Variants in DPP10 observed in about 807,000 individuals in gnomAD.
DPP10 encodes inactive dipeptidyl peptidase 10.
A neutral mutation model predicts 120.9 loss-of-function variants in DPP10; 33 were observed. The ratio of observed to expected loss-of-function variants is 0.27; its 90% confidence interval spans 0.21 to 0.37. DPP10 has a LOEUF of 0.37. Ranked by LOEUF, DPP10 falls within the 10% of genes least tolerant of loss-of-function variation. The pLI is 1.00. For missense variants in DPP10, 816 were observed against 942.8 expected (o/e 0.87, Z 1.76); for synonymous variants, 337 against 326.1 (o/e 1.03, Z -0.36).
At chr2:115,139,496 T>A (rs1189027486) in intron 1 of DPP10, among the ~76,000 whole-genome samples, 1 of 151,842 alleles carries the variant, frequency 6.6e-6, no homozygotes, top group African/African-American at 2.4e-5. Flanking sequence ...GAGAAATATA[T>A]AGTAAGCACC....
At chr2:114,529,760 G>A (rs1685804962) in intron 1 of DPP10, among the ~76,000 whole-genome samples, 1 of 152,060 alleles carries the variant, frequency 6.6e-6, no homozygotes, top group South Asian at 2.1e-4. Context: ...TGTCAGGGGG[G>A]TTTGTTGTAC....
intron 5 of DPP10, among the ~76,000 whole-genome samples, chr2:115,544,199 A>G (rs1334310885): frequency 6.6e-6 from 1 of 152,026 alleles, no homozygotes; most frequent in Non-Finnish European, 1.5e-5. Context: ...ATTTCTTATG[A>G]TATTTGTAGA....
chr2:115,612,625 A>G (rs1043600628), intron 5 of DPP10, among the ~76,000 whole-genome samples: 1 of 152,178 alleles, frequency 6.6e-6, no homozygotes, highest in Non-Finnish European at 1.5e-5. Context: ...GCAGGCAGAC[A>G]TACTGGGTAT....
intron 1 of DPP10, among the ~76,000 whole-genome samples, chr2:115,148,445 A>C (rs548834920): frequency 6.6e-6 from 1 of 152,296 alleles, no homozygotes; most frequent in African/African-American, 2.4e-5. Context: ...GTCTAAAAGA[A>C]TAAACAGTGT....
rs1461155484 is a variant in DPP10 at position 114,920,526 on chromosome 2, C to T, written c.61-388713C>T. ...GTTTAATTAACTAGTGGAGGAGTCACTGAACAAGTAGGAAGCATACTATCT... is the reference window on the plus strand; with the variant it reads ...GTTTAATTAACTAGTGGAGGAGTCATTGAACAAGTAGGAAGCATACTATCT... On this transcript the variant is annotated intron_variant, in intron 1 of 25. Transcript: ENST00000410059. Among the ~76,000 whole-genome samples the T allele has an allele frequency of 3.3e-5, 5 of 152,150 alleles. No individual in the cohort carries two copies. In the East Asian group the frequency reaches 9.7e-4, roughly 29 times the overall value.
At chr2:114,485,390 G>A (rs1313082866) in intron 1 of DPP10, among the ~76,000 whole-genome samples, 3 of 151,494 alleles carry the variant, frequency 2.0e-5, no homozygotes, top group East Asian at 3.9e-4. Flanking sequence ...TTTAAATGAA[G>A]GTTAAATCAG....
At position 114,871,015 on chromosome 2, in the gene DPP10, G is replaced by A. The variant is rs952012688; in HGVS notation, c.60+428177G>A. Among the ~76,000 whole-genome samples, 4 of 133,136 alleles carry A rather than the reference G, an allele frequency of 3.0e-5. 2 individuals carry two copies. Among genetic ancestry groups the A allele is most frequent in the African/African-American group, 1.0e-4 (4 of 38,462 alleles). 87.3% of individuals were successfully genotyped at this position (133,136 alleles called of 152,430 possible). ...TTTTTTTTGTTACTTAATTTAAGCA[G>A]CATCCCTCTGCTTTTCTTTGTCTTT... On this transcript the variant is annotated intron_variant, in intron 1 of 25. Coordinates refer to ENST00000410059, the MANE Select transcript of DPP10 (RefSeq NM_020868.6).
At chr2:115,470,031 C>G (rs1558710271) in intron 3 of DPP10, among the ~76,000 whole-genome samples, 2 of 151,994 alleles carry the variant, frequency 1.3e-5, no homozygotes, top group Admixed American at 6.6e-5. Flanking sequence ...GATGAAGAAT[C>G]CTTGCTAAAT....
At chr2:114,635,507 A>G (rs1365306553) in intron 1 of DPP10, among the ~76,000 whole-genome samples, 1 of 151,970 alleles carries the variant, frequency 6.6e-6, no homozygotes, top group Non-Finnish European at 1.5e-5. Context: ...ATATGAAGCT[A>G]TATGAGCAAG....
chr2:115,519,996 G>C (rs745404473), intron 4 of DPP10, among the ~76,000 whole-genome samples: 4 of 152,162 alleles, frequency 2.6e-5, no homozygotes, highest in Non-Finnish European at 1.5e-5. Context: ...AGATTGAGTA[G>C]TGAGGGAAGT....
intron 3 of DPP10, among the ~76,000 whole-genome samples, chr2:115,419,715 A>C (rs1304629324): frequency 6.6e-6 from 1 of 152,198 alleles, no homozygotes; most frequent in Non-Finnish European, 1.5e-5. Flanking sequence ...ATATCTCTCT[A>C]TTCCTGATGA....
At chr2:115,422,991 A>T (rs1399272715) in intron 3 of DPP10, among the ~76,000 whole-genome samples, 3 of 152,132 alleles carry the variant, frequency 2.0e-5, no homozygotes, top group Non-Finnish European at 4.4e-5. Flanking sequence ...TCACTGTCCA[A>T]CTGAAATATA....
intron 1 of DPP10, among the ~76,000 whole-genome samples, chr2:114,608,467 C>T (rs990227683): frequency 5.9e-5 from 9 of 152,138 alleles, no homozygotes; most frequent in Non-Finnish European, 4.4e-5. Context: ...GATGATTTCA[C>T]ATTGATCAAA....
intron 7 of DPP10, among the ~76,000 whole-genome samples, chr2:115,723,968 TACTC>T (rs751736308): frequency 2.0e-5 from 3 of 152,218 alleles, no homozygotes; most frequent in Non-Finnish European, 4.4e-5. Flanking sequence ...TCATGAAAAT[TACTC>T]AAATCAGTGA....
At chr2:115,077,164 A>C (rs945948750) in intron 1 of DPP10, among the ~76,000 whole-genome samples, 1 of 152,208 alleles carries the variant, frequency 6.6e-6, no homozygotes, top group Non-Finnish European at 1.5e-5. Flanking sequence ...GGAATGGGCC[A>C]AGTGCTATTT....
chr2:115,659,793 C>CATTTG (rs1385715472), intron 5 of DPP10, among the ~76,000 whole-genome samples: 24 of 152,112 alleles, frequency 1.6e-4, no homozygotes, highest in Admixed American at 1.5e-3. Context: ...GATCAGTTTT[C>CATTTG]ATTTGTCAGT....
At chr2:114,524,316 T>G (rs1372838569) in intron 1 of DPP10, among the ~76,000 whole-genome samples, 1 of 152,172 alleles carries the variant, frequency 6.6e-6, no homozygotes, top group Non-Finnish European at 1.5e-5. Flanking sequence ...CCTGAACTAA[T>G]CTTAGTAGTT....
At chr2:115,766,192 A>G (rs927060563) in intron 12 of DPP10, among the ~76,000 whole-genome samples, 1 of 151,448 alleles carries the variant, frequency 6.6e-6, no homozygotes, top group East Asian at 1.9e-4. Context: ...TGCAAAAGTA[A>G]TTGAGGTTTT....
chr2:115,746,051 A>C (rs367775119), intron 9 of DPP10, 35 bp from the exon 10 acceptor site: 1 of 1,434,602 alleles, frequency 7.0e-7, no homozygotes, highest in Non-Finnish European at 9.7e-7. Context: ...TCTAATGCTT[A>C]ATGTACTTGC....
Sources: allele counts gnomAD v4.1 joint callset (sites outside exome capture counted in the v4.1 genomes callset), GRCh38; gene constraint gnomAD v4.1.1; transcripts MANE v1.5; gene names NCBI Gene and HGNC (gene_info 2026-07-23, HGNC 2026-07-21).